Variants in GAA observed in about 807,000 individuals in gnomAD.
The protein encoded by GAA is alpha glucosidase, also known as lysosomal alpha-glucosidase.
A neutral mutation model predicts 103.9 loss-of-function variants in GAA; 88 were observed. That is an observed-to-expected ratio of 0.85 (90% CI 0.71 to 1.01). The LOEUF (loss-of-function observed/expected upper bound fraction) is 1.01, where lower values mean the gene tolerates loss of function less well. Ranked by LOEUF, GAA falls within the 50% of genes least tolerant of loss-of-function variation. The pLI is 0.00. For synonymous variants in GAA, 572 were observed against 563.1 expected (o/e 1.02, Z -0.22); for missense variants, 1,350 against 1,305.3 (o/e 1.03, Z -0.53).
intron 19 of GAA, 91 bp downstream of exon 19, chr17:80,118,896 G>C: frequency 6.7e-7 from 1 of 1,483,020 alleles, no homozygotes; most frequent in South Asian, 1.2e-5. Flanking sequence ...CCGATGCCAG[G>C]AACAGAGGAT....
chr17:80,118,062 G>A (rs1186963390), intron 17 of GAA, 131 bp from the exon 18 acceptor site: 7 of 1,065,754 alleles, frequency 6.6e-6, no homozygotes, highest in South Asian at 3.1e-5. Flanking sequence ...CAGCCCCTGC[G>A]GCCGCAGGTG....
At chr17:80,114,588 G>C (rs564173970) in intron 15 of GAA, among the ~76,000 whole-genome samples, 18 of 152,214 alleles carry the variant, frequency 1.2e-4, no homozygotes, top group Middle Eastern at 3.4e-3. Flanking sequence ...CTGTATCCAT[G>C]ATGAGCCCAT....
rs2143888311 is a variant in GAA, at chr17:80,112,632, TGCTGGCCACGGCCGATAC to T, written c.1812_1829del (p.Gly607_His612del). On this transcript the variant is annotated inframe_deletion, in exon 13 of 20. Coordinates refer to ENST00000302262, the MANE Select transcript of GAA (RefSeq NM_000152.5). ...CATTTGTGATCTCCCGCTCGACCTT[TGCTGGCCACGGCCGATAC>T]GCCGGCCACTGGACGGGGGACGTGT... is the stretch of plus-strand genomic sequence containing the variant. 6.2e-7 allele frequency: 1 copy of T among 1,612,982 alleles called. No homozygotes were observed. Among genetic ancestry groups the T allele is most frequent in the Non-Finnish European group, 8.5e-7 (1 of 1,179,960 alleles).
intron 3 of GAA, 77 bp from the exon 4 acceptor site, chr17:80,107,480 G>A (rs952374058): frequency 2.0e-5 from 32 of 1,585,318 alleles, no homozygotes; most frequent in Non-Finnish European, 2.7e-5. Flanking sequence ...ACCAGGGCCC[G>A]GGGGTGCTCT....
chr17:80,119,059 G>A (rs542193084), intron 19 of GAA, among the ~76,000 whole-genome samples: 2 of 152,314 alleles, frequency 1.3e-5, no homozygotes, highest in Admixed American at 6.5e-5. Flanking sequence ...TCTGGCGTGC[G>A]TTAAGGTGAC....
At chr17:80,115,741 GT>G (rs1438882744) in intron 15 of GAA, among the ~76,000 whole-genome samples, 1 of 152,170 alleles carries the variant, frequency 6.6e-6, no homozygotes, top group Non-Finnish European at 1.5e-5. Context: ...ATTGCTGATT[GT>G]TTTGTGACTT....
chr17:80,107,303 C>T (rs2039109167), intron 3 of GAA, among the ~76,000 whole-genome samples: 2 of 152,156 alleles, frequency 1.3e-5, no homozygotes, highest in Non-Finnish European at 2.9e-5. Flanking sequence ...CCTTGGGGGC[C>T]CCTCAGGGGT....
chr17:80,112,854 C>T (rs1567835479), intron 13 of GAA, 22 bp from the exon 14 acceptor site: 1 of 1,601,736 alleles, frequency 6.2e-7, no homozygotes. Flanking sequence ...GCCTGAGGAC[C>T]AGCCTGACTC....
intron 15 of GAA, among the ~76,000 whole-genome samples, chr17:80,115,724 C>T (rs927274808): frequency 9.2e-5 from 14 of 152,352 alleles, no homozygotes; most frequent in African/African-American, 2.4e-4. Flanking sequence ...CCTCAGGTCT[C>T]GTTGCTATTG....
rs1043184942 is a variant in GAA, at chr17:80,105,148, G to T, written c.546+16G>T. The stretch of plus-strand genomic sequence containing the variant: ...CCACTTCACGGTGGGCAGGGCAGGG[G>T]CGGGGGCGGCGGCCAGGGCAGAGGG... On this transcript the variant is annotated intron_variant, in intron 2 of 19. Transcript: ENST00000302262. The T allele has an allele frequency of 5.0e-6, 8 of 1,595,006 alleles. No homozygotes were observed. Among genetic ancestry groups the T allele is most frequent in the Non-Finnish European group, 6.0e-6 (7 of 1,174,060 alleles).
chr17:80,118,429 G>C, intron 18 of GAA, 72 bp downstream of exon 18: 1 of 1,542,568 alleles, frequency 6.5e-7, no homozygotes, highest in Non-Finnish European at 8.8e-7. Context: ...GGGGACCTGG[G>C]CTTGGGGGTC....
chr17:80,112,125 G>A (rs1383767063), intron 12 of GAA, 25 bp downstream of exon 12: 7 of 1,597,048 alleles, frequency 4.4e-6, no homozygotes, highest in Non-Finnish European at 6.0e-6. Flanking sequence ...CCGCCCCACT[G>A]GGCTCTGCCC....
intron 12 of GAA, 40 bp from the exon 13 acceptor site, chr17:80,112,538 C>T (rs767476692): frequency 1.9e-6 from 3 of 1,611,990 alleles, no homozygotes; most frequent in Non-Finnish European, 2.5e-6. Context: ...CCGAGTGACC[C>T]CGCTCCACAC....
rs781124934 is a variant in GAA, at chr17:80,105,047, G to C, written c.461G>C (p.Arg154Pro). Residue 154 changes from arginine (R) to proline (P), a missense_variant, in exon 2 of 20, where the codon CGT (arginine) becomes CCT (proline). Arg to Pro is a moderately radical substitution (Grantham distance 103, BLOSUM62 -2). Transcript: ENST00000302262. ...ATGGGCTACACGGCCACCCTGACCC[G>C]TACCACCCCCACCTTCTTCCCCAAG... is the stretch of plus-strand genomic sequence containing the variant. Reference protein sequence around the residue: ...SEMGYTATLTRTTPTFFPKDI... With the variant: ...SEMGYTATLTPTTPTFFPKDI... 1 of 1,612,876 alleles carries C rather than the reference G, an allele frequency of 6.2e-7. No homozygotes were observed.
At position 80,104,627 on chromosome 17, in the gene GAA, C is replaced by T. The variant is rs1221096819; in HGVS notation, c.41C>T (p.Ala14Val). The change falls in exon 2 of 20, where the codon GCC (alanine) becomes GTC (valine). Residue 14 changes from alanine to valine, a missense_variant. Transcript: ENST00000302262. The surrounding 1 kb of genome is among the most constrained non-coding windows in gnomAD (Gnocchi z 4.0). ...RHPPCSHRLLAVCALVSLATA... is the reference protein window; with the variant it reads ...RHPPCSHRLLVVCALVSLATA... ...CCGCCCTGCTCCCACCGGCTCCTGG[C>T]CGTCTGCGCCCTCGTGTCCTTGGCA... The T allele has an allele frequency of 1.2e-6, 2 of 1,612,880 alleles. No homozygotes were observed. Among genetic ancestry groups the T allele is most frequent in the African/African-American group, 1.3e-5 (1 of 75,040 alleles).
chr17:80,112,227 C>G (rs553195067), intron 12 of GAA, 127 bp downstream of exon 12: 8 of 931,384 alleles, frequency 8.6e-6, no homozygotes, highest in Non-Finnish European at 1.4e-5. Flanking sequence ...GCTGGCGGCC[C>G]GAGTGCTCTC....
At chr17:80,118,065 C>T (rs899680956) in intron 17 of GAA, 128 bp from the exon 18 acceptor site, 4 of 1,095,454 alleles carry the variant, frequency 3.7e-6, no homozygotes, top group Non-Finnish European at 3.9e-6. Flanking sequence ...CCCCTGCGGC[C>T]GCAGGTGTTC....
At chr17:80,105,943 T>G in intron 3 of GAA, 49 bp downstream of exon 3, 2 of 1,551,960 alleles carry the variant, frequency 1.3e-6, no homozygotes, top group Non-Finnish European at 1.7e-6. Context: ...GACGCGCATT[T>G]CTCACACGGC....
In GAA at chr17:80,110,838, A is replaced by G. The variant is rs749059386; in HGVS notation, c.1549A>G (p.Ile517Val). ...CCAGGTGCCCTTCGACGGCATGTGG[A>G]TTGTAAGTGTGGCCCCCTCCTGAGC... ...HDQVPFDGMW[I>V]DMNEPSNFIR... Residue 517 changes from isoleucine to valine, a missense_variant and splice_region_variant, in exon 10 of 20, where the codon ATT (isoleucine) becomes GTT (valine). Coordinates refer to ENST00000302262, the MANE Select transcript of GAA (RefSeq NM_000152.5). 6.2e-7 allele frequency: 1 copy of G among 1,613,926 alleles called. No homozygotes were observed.
Sources: gnomAD v4.1 joint callset for allele counts (sites outside exome capture counted in the v4.1 genomes callset) on GRCh38, gnomAD v4.1.1 for gene constraint, Gnocchi (gnomAD v3.1) non-coding constraint, MANE v1.5 for transcripts, NCBI Gene and HGNC (gene_info 2026-07-23, HGNC 2026-07-21) for gene names.